The following OSBPL3 variants were observed in gnomAD, a reference collection of about 807,000 sequenced individuals.
OSBPL3 encodes the protein oxysterol-binding protein-related protein 3.
OSBPL3 carries 65 observed loss-of-function variants against 120.1 expected under a neutral mutation model. The observed-to-expected ratio is 0.54, with a 90% CI of 0.44 to 0.67. The LOEUF is 0.67. OSBPL3 is among the 30% of genes least tolerant of loss of function. The pLI is 0.00. For missense variants in OSBPL3, 1,004 were observed against 1,082.1 expected (o/e 0.93, Z 1.01); for synonymous variants, 416 against 402.6 (o/e 1.03, Z -0.40).
Position 24,855,056 on chromosome 7 carries a change from T to C in OSBPL3, c.1028-2422A>G, listed in dbSNP as rs558390766. 4.6e-5 allele frequency among the ~76,000 whole-genome samples: 7 copies of C among 152,256 alleles called. No individual in the cohort carries two copies. The highest frequency in any genetic ancestry group is 1.7e-4 in the African/African-American group (7 of 41,532). The stretch of plus-strand genomic sequence containing the variant: ...TGCTTGTAAATAACTGCACACAGGG[T>C]AGAAATTCTAGGAATGAGGGGTTGG... On this transcript the variant is annotated intron_variant, in intron 10 of 22. Coordinates refer to ENST00000313367, the MANE Select transcript of OSBPL3 (RefSeq NM_015550.4). This position sits in a 1 kb window ranked among gnomAD's most constrained non-coding sequence, Gnocchi z 4.3.
rs962688091 is a variant in OSBPL3, at chr7:24,824,702, G to A, written c.1885-4464C>T. Among the ~76,000 whole-genome samples the A allele has an allele frequency of 3.9e-5, 6 of 152,186 alleles. No homozygotes were observed. The highest frequency in any genetic ancestry group is 1.4e-4 in the African/African-American group (6 of 41,436). ...ATGGAATTTATATTTTAGTATGGAA[G>A]TGGGTAAGACAAACGACACATAAGA... On this transcript the variant is annotated intron_variant, in intron 16 of 22. Transcript: ENST00000313367. This position sits in a 1 kb window ranked among gnomAD's most constrained non-coding sequence, Gnocchi z 4.9.
At position 24,804,133 on chromosome 7, in the gene OSBPL3, G is replaced by A; in HGVS notation, c.2567+182C>T. On this transcript the variant is annotated intron_variant, in intron 22 of 22. Coordinates refer to ENST00000313367, the MANE Select transcript of OSBPL3 (RefSeq NM_015550.4). This position sits in a 1 kb window ranked among gnomAD's most constrained non-coding sequence, Gnocchi z 5.4. ...TCCTGTCTGAAGTCAGCAAGAGGGA[G>A]AGCCTGAAGGTAAGTGCGGGGGACA... Among the ~76,000 whole-genome samples the A allele has an allele frequency of 6.6e-6, 1 of 152,180 alleles. No homozygotes were observed. The highest frequency in any genetic ancestry group is 1.5e-5 in the Non-Finnish European group (1 of 68,028).
At chr7:24,917,472 C>T (rs10279954) in intron 1 of OSBPL3, among the ~76,000 whole-genome samples, 39,775 of 93,650 alleles carry the variant, frequency 0.42, 6,498 homozygotes, top group South Asian at 0.51. Flanking sequence ...TATATATACA[C>T]ACACACACAC....
Position 24,871,941 on chromosome 7 carries a change from G to A in OSBPL3, c.213+12C>T, listed in dbSNP as rs745798863. On this transcript the variant is annotated intron_variant, in intron 3 of 22. Coordinates refer to ENST00000313367, the MANE Select transcript of OSBPL3 (RefSeq NM_015550.4). The surrounding 1 kb of genome is among the most constrained non-coding windows in gnomAD (Gnocchi z 4.8). ...TGAGTGCAAATAAAGGGGAGGCCAA[G>A]ACCAACCTTACCTTATGCCAGCCTT... 13 of 1,593,168 alleles carry A rather than the reference G, an allele frequency of 8.2e-6. No homozygotes were observed. In the East Asian group the frequency reaches 2.7e-4, roughly 33 times the overall value.
Position 24,972,626 on chromosome 7 carries a change from G to A in OSBPL3, c.-150+7260C>T, listed in dbSNP as rs184322810. ...TGTGCTTAATAAATATTTGTGAAACGTATGAGCAAAAATCTTAGCGCATGC... is the reference window on the plus strand; with the variant it reads ...TGTGCTTAATAAATATTTGTGAAACATATGAGCAAAAATCTTAGCGCATGC... On this transcript the variant is annotated intron_variant, in intron 1 of 22. Transcript: ENST00000313367. This position sits in a 1 kb window ranked among gnomAD's most constrained non-coding sequence, Gnocchi z 4.3. 1.3e-5 allele frequency among the ~76,000 whole-genome samples: 2 copies of A among 152,262 alleles called. No individual in the cohort carries two copies. The highest frequency in any genetic ancestry group is 6.5e-5 in the Admixed American group (1 of 15,290).
Position 24,833,106 on chromosome 7 carries a change from C to T in OSBPL3, c.1746+1380G>A, listed in dbSNP as rs1796592017. Among the ~76,000 whole-genome samples the T allele has an allele frequency of 6.6e-6, 1 of 152,172 alleles. No individual in the cohort carries two copies. Among genetic ancestry groups the T allele is most frequent in the South Asian group, 2.1e-4 (1 of 4,828 alleles). On this transcript the variant is annotated intron_variant, in intron 15 of 22. Coordinates refer to ENST00000313367, the MANE Select transcript of OSBPL3 (RefSeq NM_015550.4). The surrounding 1 kb of genome is among the most constrained non-coding windows in gnomAD (Gnocchi z 4.4). ...TAGAAGCTATTTCTAGAAGATTTGC[C>T]TTCCTTTTATTCAGCAAAAATTATC...
chr7:24,948,148 G>A (rs1813961022), intron 1 of OSBPL3, among the ~76,000 whole-genome samples: 2 of 152,214 alleles, frequency 1.3e-5, no homozygotes, highest in Non-Finnish European at 2.9e-5. Flanking sequence ...AAGCGAGAGA[G>A]AGAAGATTCT....
At chr7:24,969,092 G>A (rs1386111197) in intron 1 of OSBPL3, among the ~76,000 whole-genome samples, 1 of 152,160 alleles carries the variant, frequency 6.6e-6, no homozygotes, top group East Asian at 1.9e-4. Flanking sequence ...GCTACAGTTT[G>A]GACCGATTTA....
chr7:24,839,127 T>C (rs73087712), intron 14 of OSBPL3, among the ~76,000 whole-genome samples: 304 of 152,290 alleles, frequency 2.0e-3, no homozygotes, highest in Middle Eastern at 3.4e-3. Flanking sequence ...CTGAGGAACA[T>C]TGAAATATCA....
In OSBPL3 at chr7:24,827,525, T is replaced by C. The variant is rs376316203; in HGVS notation, c.1884+3243A>G. Among the ~76,000 whole-genome samples the C allele has an allele frequency of 2.6e-5, 4 of 152,354 alleles. No individual in the cohort carries two copies. The highest frequency in any genetic ancestry group is 2.1e-4 in the South Asian group (1 of 4,824). ...ACTGTATGCTCACTTAGGATTCTCA[T>C]TGGCTTCCCAAGTAATCTGCCTATG... On this transcript the variant is annotated intron_variant, in intron 16 of 22. Transcript: ENST00000313367. This position sits in a 1 kb window ranked among gnomAD's most constrained non-coding sequence, Gnocchi z 5.1.
rs527534804 is a variant in OSBPL3 at position 24,849,790 on chromosome 7, C to A, written c.1159-614G>T. ...CCAACATGGTGAAACCCCATCTCTA[C>A]CAAAAAATGCAAAAATTAGTTGGGC... On this transcript the variant is annotated intron_variant, in intron 11 of 22. Transcript: ENST00000313367. The surrounding 1 kb of genome is among the most constrained non-coding windows in gnomAD (Gnocchi z 5.4). Among the ~76,000 whole-genome samples, 1 of 151,836 alleles carries A rather than the reference C, an allele frequency of 6.6e-6. No homozygotes were observed. Among genetic ancestry groups the A allele is most frequent in the South Asian group, 2.1e-4 (1 of 4,804 alleles).
chr7:24,886,895 G>A (rs1212343585), intron 2 of OSBPL3, among the ~76,000 whole-genome samples: 2 of 152,126 alleles, frequency 1.3e-5, no homozygotes, highest in Non-Finnish European at 2.9e-5. Flanking sequence ...CCCCAGGACT[G>A]CAAGGAAACC....
intron 1 of OSBPL3, among the ~76,000 whole-genome samples, chr7:24,904,436 C>T (rs765831641): frequency 2.6e-5 from 4 of 152,128 alleles, no homozygotes; most frequent in African/African-American, 4.8e-5. Context: ...TGAAAATATA[C>T]AGATTTTAAA....
chr7:24,945,210 A>T (rs1813573623), intron 1 of OSBPL3, among the ~76,000 whole-genome samples: 3 of 152,112 alleles, frequency 2.0e-5, no homozygotes, highest in Admixed American at 2.0e-4. Flanking sequence ...TCCTTCAATC[A>T]ACCCTTCTTT....
intron 19 of OSBPL3, among the ~76,000 whole-genome samples, chr7:24,812,940 G>A (rs1212825927): frequency 6.6e-6 from 1 of 152,198 alleles, no homozygotes; most frequent in Non-Finnish European, 1.5e-5. Context: ...GTGCAGTGGT[G>A]CAATCATAGC....
chr7:24,807,122 T>A (rs1270727212), intron 20 of OSBPL3, among the ~76,000 whole-genome samples: 4 of 152,230 alleles, frequency 2.6e-5, no homozygotes, highest in African/African-American at 4.8e-5. Flanking sequence ...GCCTCCTATG[T>A]GTGGTCAGAA....
At chr7:24,934,402 A>T (rs1812137255) in intron 1 of OSBPL3, among the ~76,000 whole-genome samples, 1 of 152,198 alleles carries the variant, frequency 6.6e-6, no homozygotes, top group African/African-American at 2.4e-5. Flanking sequence ...CAACAACACA[A>T]AACAAAACAC....
chr7:24,892,661 A>G, intron 1 of OSBPL3, 40 bp from the exon 2 acceptor site: 1 of 1,300,878 alleles, frequency 7.7e-7, no homozygotes, highest in Non-Finnish European at 9.8e-7. Flanking sequence ...GAGGCATCAG[A>G]TATCATCTCT....
chr7:24,907,153 T>C (rs1157511384), intron 1 of OSBPL3, among the ~76,000 whole-genome samples: 1 of 152,218 alleles, frequency 6.6e-6, no homozygotes, highest in Non-Finnish European at 1.5e-5. Context: ...CTATCCATTT[T>C]AGACCACCAT....
Sources: gnomAD v4.1 joint callset for allele counts (sites outside exome capture counted in the v4.1 genomes callset) on GRCh38, gnomAD v4.1.1 for gene constraint, Gnocchi (gnomAD v3.1) non-coding constraint, MANE v1.5 for transcripts, NCBI Gene and HGNC (gene_info 2026-07-23, HGNC 2026-07-21) for gene names.